NR2C2: variants seen among roughly 807,000 people sequenced by gnomAD.
The protein encoded by NR2C2 is Nuclear hormone receptor TR4.
NR2C2 carries 6 observed loss-of-function variants against 62.9 expected under a neutral mutation model. That is an observed-to-expected ratio of 0.10 (90% confidence interval 0.05 to 0.19). NR2C2 has a LOEUF of 0.19. NR2C2 is among the 10% of genes least tolerant of loss of function. The pLI is 1.00. For synonymous variants in NR2C2, 272 were observed against 273.8 expected, an observed-to-expected ratio of 0.99 and a Z score of 0.07; for missense variants, 479 against 762.7, an observed-to-expected ratio of 0.63 and a Z score of 4.38.
intron 1 of NR2C2, among the ~76,000 whole-genome samples, chr3:14,982,714 A>G (rs569217210): frequency 1.3e-5 from 2 of 152,248 alleles, no homozygotes; most frequent in Non-Finnish European, 2.9e-5. Context: ...TATGTTATCT[A>G]TGATTTAATG....
chr3:14,972,996 A>G (rs541240765), intron 1 of NR2C2, among the ~76,000 whole-genome samples: 186 of 152,304 alleles, frequency 1.2e-3, no homozygotes, highest in African/African-American at 4.1e-3. Context: ...TGGGGATTAC[A>G]GTTTGACATG....
chr3:14,948,995 A>G (rs564246997), intron 1 of NR2C2, among the ~76,000 whole-genome samples: 3 of 152,328 alleles, frequency 2.0e-5, no homozygotes, highest in Non-Finnish European at 4.4e-5. Flanking sequence ...TGTTATTGTT[A>G]AAAATGGGAT....
intron 1 of NR2C2, chr3:14,948,840 A>G (rs905457267): frequency 6.6e-6 from 1 of 152,154 alleles, no homozygotes; most frequent in Non-Finnish European, 1.5e-5. Context: ...CGAATCCCCT[A>G]ATGAGGCTCA....
intron 1 of NR2C2, among the ~76,000 whole-genome samples, chr3:14,983,925 G>A (rs2040445189): frequency 6.6e-6 from 1 of 152,074 alleles, no homozygotes; most frequent in South Asian, 2.1e-4. Context: ...TTTCACTCCT[G>A]TTGCCAAGGT....
In NR2C2 at chr3:15,032,367, C is replaced by T. The variant is rs1559306502; in HGVS notation, c.1111-12C>T. On this transcript the variant is annotated splice_polypyrimidine_tract_variant and intron_variant, in intron 9 of 13. Coordinates refer to ENST00000425241, the MANE Select transcript of NR2C2 (RefSeq NM_001291694.2). ...CCTTCACCTCCTGTGCCATGTGCCT[C>T]CTCTTTTCCAGCTAACAATGCCCAG... is the stretch of plus-strand genomic sequence containing the variant. 3.1e-6 allele frequency: 5 copies of T among 1,614,214 alleles called. No homozygotes were observed. The African/African-American group carries it at 6.7e-5, about 22-fold the overall frequency.
chr3:15,014,887 C>CT (rs2041463302), intron 3 of NR2C2, among the ~76,000 whole-genome samples: 1 of 152,134 alleles, frequency 6.6e-6, no homozygotes, highest in Non-Finnish European at 1.5e-5. Flanking sequence ...TTGCTTCCAC[C>CT]TTTTGGCTGT....
At chr3:15,016,309 CTG>C in intron 4 of NR2C2, 55 bp downstream of exon 4, 1 of 1,313,948 alleles carries the variant, frequency 7.6e-7, no homozygotes, top group Non-Finnish European at 1.1e-6. Context: ...CATGAAGTAA[CTG>C]TTGTGAGGTG....
chr3:14,971,258 C>T (rs939834749), intron 1 of NR2C2, among the ~76,000 whole-genome samples: 7 of 151,552 alleles, frequency 4.6e-5, no homozygotes, highest in Admixed American at 6.6e-5. Flanking sequence ...GGTGGGATTA[C>T]AGGCACCCAC....
chr3:15,009,090 C>T (rs184386358), intron 2 of NR2C2, among the ~76,000 whole-genome samples: 15 of 152,228 alleles, frequency 9.9e-5, no homozygotes, highest in East Asian at 3.9e-4. Context: ...GGCATGGTGA[C>T]GCATACCTGT....
chr3:15,040,870 G>A (rs1433124952), intron 13 of NR2C2, among the ~76,000 whole-genome samples: 2 of 152,218 alleles, frequency 1.3e-5, no homozygotes, highest in African/African-American at 4.8e-5. Context: ...CCTCCTAGGA[G>A]GCCACAGGCC....
intron 1 of NR2C2, chr3:14,948,311 C>T (rs994201824): frequency 2.0e-5 from 3 of 152,446 alleles, no homozygotes; most frequent in African/African-American, 7.2e-5. Context: ...GATTTTCACC[C>T]CTCCGCTTCT....
intron 1 of NR2C2, among the ~76,000 whole-genome samples, chr3:14,976,268 C>T: frequency 6.6e-6 from 1 of 152,092 alleles, no homozygotes; most frequent in East Asian, 1.9e-4. Context: ...CTTTAGTGTT[C>T]GTTCAGTGCC....
chr3:15,024,503 C>T (rs1201384560), intron 7 of NR2C2, among the ~76,000 whole-genome samples: 1 of 152,218 alleles, frequency 6.6e-6, no homozygotes, highest in Non-Finnish European at 1.5e-5. Flanking sequence ...CTCTTATACA[C>T]ATTGGCAAAC....
chr3:14,970,563 TA>T (rs2040007216), intron 1 of NR2C2, among the ~76,000 whole-genome samples: 1 of 152,228 alleles, frequency 6.6e-6, no homozygotes, highest in East Asian at 1.9e-4. Flanking sequence ...GTACCTTATG[TA>T]AATAGAATCA....
intron 1 of NR2C2, among the ~76,000 whole-genome samples, chr3:14,973,971 A>G (rs1270118269): frequency 2.6e-5 from 4 of 152,244 alleles, no homozygotes; most frequent in African/African-American, 9.6e-5. Flanking sequence ...CAGATCATCA[A>G]GTCAGAGACC....
intron 1 of NR2C2, among the ~76,000 whole-genome samples, chr3:14,989,656 G>A (rs1002137926): frequency 6.6e-6 from 1 of 151,944 alleles, no homozygotes; most frequent in African/African-American, 2.4e-5. Flanking sequence ...ATTTGACTGG[G>A]TGTGGTGGCT....
At chr3:14,995,694 C>CGTGTGTGTGTGTGTGTGTGTGT (rs2040813746) in intron 1 of NR2C2, among the ~76,000 whole-genome samples, 1 of 82,544 alleles carries the variant, frequency 1.2e-5, no homozygotes, top group African/African-American at 9.8e-5. Flanking sequence ...TGTGTGTGTA[C>CGTGTGTGTGTGTGTGTGTGTGT]ACCTAAGAGT....
chr3:15,001,318 G>GTTTTTTTTTTTTTTTTTTTGGTTT (rs2040990145), intron 1 of NR2C2, among the ~76,000 whole-genome samples: 1 of 97,484 alleles, frequency 1.0e-5, no homozygotes, highest in Admixed American at 1.2e-4. Flanking sequence ...TTTGTTTTGG[G>GTTTTTTTTTTTTTTTTTTTGGTTT]TTTTTTTTTT....
intron 1 of NR2C2, among the ~76,000 whole-genome samples, chr3:14,954,213 G>C (rs543155069): frequency 2.0e-5 from 3 of 152,112 alleles, no homozygotes; most frequent in African/African-American, 7.2e-5. Context: ...CTTTTAACTG[G>C]AAAGGCTAAT....
Sources: allele counts gnomAD v4.1 joint callset (sites outside exome capture counted in the v4.1 genomes callset), GRCh38; gene constraint gnomAD v4.1.1; transcripts MANE v1.5; gene names NCBI Gene and HGNC (gene_info 2026-07-23, HGNC 2026-07-21).